Variants in SYCP1 observed in about 807,000 individuals in gnomAD.
SYCP1 encodes synaptonemal complex protein 1.
Under a neutral mutation model 153.1 loss-of-function variants are expected in SYCP1, and 64 were observed. The ratio of observed to expected loss-of-function variants is 0.42; its 90% CI spans 0.34 to 0.51. The LOEUF (loss-of-function observed/expected upper bound fraction) is 0.51, where lower values mean the gene tolerates loss of function less well. SYCP1 is among the 20% of genes least tolerant of loss of function. The pLI is 0.06. For synonymous variants in SYCP1, 384 were observed against 341.8 expected (o/e 1.12, Z -1.36); for missense variants, 997 against 1,049.0 (o/e 0.95, Z 0.68).
intron 8 of SYCP1, chr1:114,862,840 T>A (rs567586290): frequency 1.3e-5 from 2 of 152,218 alleles, no homozygotes; most frequent in African/African-American, 2.4e-5. Flanking sequence ...ATTCTTGCCT[T>A]AAGTTGTTGA....
intron 30 of SYCP1, among the ~76,000 whole-genome samples, chr1:114,992,065 G>T (rs907611202): frequency 1.1e-4 from 16 of 151,776 alleles, no homozygotes; most frequent in Non-Finnish European, 2.1e-4. Context: ...GCATCTAAAA[G>T]AATTTAAATA....
At chr1:114,882,577 T>A (rs1666028029) in intron 12 of SYCP1, among the ~76,000 whole-genome samples, 1 of 152,162 alleles carries the variant, frequency 6.6e-6, no homozygotes, top group South Asian at 2.1e-4. Context: ...TTATTTTAAA[T>A]GTTTGTGATT....
chr1:114,885,070 C>T (rs986813109), intron 12 of SYCP1, among the ~76,000 whole-genome samples: 3 of 151,840 alleles, frequency 2.0e-5, no homozygotes, highest in Admixed American at 6.6e-5. Context: ...ATTTTACCAT[C>T]GGGAGATAAA....
intron 20 of SYCP1, 115 bp from the exon 21 acceptor site, chr1:114,923,334 T>G: frequency 8.1e-7 from 1 of 1,231,698 alleles, no homozygotes. Context: ...CAGTTTTGGT[T>G]TTTTACATTT....
chr1:114,939,836 GT>G (rs1670272432), intron 23 of SYCP1, among the ~76,000 whole-genome samples: 2 of 152,178 alleles, frequency 1.3e-5, no homozygotes, highest in Admixed American at 1.3e-4. Context: ...CTAGAGTTCT[GT>G]TTATGCAAAG....
rs574228935 is a variant in SYCP1 at position 114,929,995 on chromosome 1, C to A, written c.1926+3432C>A. On this transcript the variant is annotated intron_variant, in intron 23 of 31. Coordinates refer to ENST00000369522, the MANE Select transcript of SYCP1 (RefSeq NM_003176.4). ...AGACTGAAGTCTTACAGAATATGTT[C>A]TCTCACTCCAGTAGAATTGAATCAG... 2.2e-4 allele frequency among the ~76,000 whole-genome samples: 33 copies of A among 152,124 alleles called. No individual in the cohort carries two copies. In the East Asian group the frequency reaches 6.2e-3, roughly 28 times the overall value.
chr1:114,914,051 A>T lies in SYCP1; in HGVS notation c.1718+6A>T, dbSNP rs200634567. ...GAAACAGAAACCCAATTAAGGCAAGACTAACAAATTGGCCTTTTTTTGTCT... is the reference window on the plus strand; with the variant it reads ...GAAACAGAAACCCAATTAAGGCAAGTCTAACAAATTGGCCTTTTTTTGTCT... On this transcript the variant is annotated splice_donor_region_variant and intron_variant, in intron 20 of 31. Coordinates refer to ENST00000369522, the MANE Select transcript of SYCP1 (RefSeq NM_003176.4). The T allele has an allele frequency of 2.6e-6, 4 of 1,542,412 alleles. No homozygotes were observed. Among genetic ancestry groups the T allele is most frequent in the Non-Finnish European group, 3.5e-6 (4 of 1,148,990 alleles).
intron 7 of SYCP1, 48 bp downstream of exon 7, chr1:114,859,858 A>T (rs1664258610): frequency 1.8e-6 from 1 of 550,506 alleles, no homozygotes; most frequent in South Asian, 2.8e-5. Context: ...TTTTATTCCA[A>T]ATTTACTACT....
At chr1:114,914,279 CCTT>C (rs1174145830) in intron 20 of SYCP1, among the ~76,000 whole-genome samples, 1 of 151,696 alleles carries the variant, frequency 6.6e-6, no homozygotes, top group Non-Finnish European at 1.5e-5. Flanking sequence ...GCATCATAAA[CCTT>C]CTAATTCTTT....
intron 12 of SYCP1, among the ~76,000 whole-genome samples, chr1:114,883,076 T>C (rs1284092981): frequency 1.3e-5 from 2 of 152,242 alleles, no homozygotes; most frequent in Admixed American, 6.5e-5. Context: ...GTTACCTTAC[T>C]TCTATAGGTT....
intron 23 of SYCP1, among the ~76,000 whole-genome samples, chr1:114,932,840 A>G (rs914224392): frequency 6.6e-6 from 1 of 152,236 alleles, no homozygotes; most frequent in Admixed American, 6.5e-5. Flanking sequence ...GCAAGGAGGC[A>G]GTGAGACTGG....
intron 12 of SYCP1, among the ~76,000 whole-genome samples, chr1:114,885,206 A>T (rs1372793237): frequency 6.6e-6 from 1 of 152,148 alleles, no homozygotes; most frequent in East Asian, 1.9e-4. Context: ...AATTTGTATT[A>T]CATTTTCAGT....
chr1:114,937,165 CA>C (rs1174032889), intron 23 of SYCP1, among the ~76,000 whole-genome samples: 1 of 152,138 alleles, frequency 6.6e-6, no homozygotes, highest in Non-Finnish European at 1.5e-5. Context: ...CTACAGTAAC[CA>C]AAACAGCATG....
chr1:114,887,381 A>G (rs1246869456), intron 14 of SYCP1, among the ~76,000 whole-genome samples: 1 of 151,954 alleles, frequency 6.6e-6, no homozygotes, highest in Non-Finnish European at 1.5e-5. Context: ...AACTTATACC[A>G]TAAGCTTTAA....
At chr1:114,857,549 AT>A (rs1186070615) in intron 5 of SYCP1, 52 bp downstream of exon 5, 3 of 1,284,154 alleles carry the variant, frequency 2.3e-6, no homozygotes, top group Non-Finnish European at 3.3e-6. Context: ...AATATAACTT[AT>A]TACCTATATG....
At chr1:114,981,208 T>G in intron 28 of SYCP1, 128 bp from the exon 29 acceptor site, 1 of 653,964 alleles carries the variant, frequency 1.5e-6, no homozygotes, top group Non-Finnish European at 2.5e-6. Flanking sequence ...ATCTAGTCAG[T>G]GATAAATTTA....
chr1:114,946,377 C>G lies in SYCP1; in HGVS notation c.2243C>G (p.Ser748Cys), dbSNP rs1291175100. 4 of 1,578,318 alleles carry G rather than the reference C, an allele frequency of 2.5e-6. No individual in the cohort carries two copies. The African/African-American group carries it at 5.5e-5, about 22-fold the overall frequency. The change falls in exon 26 of 32, where the codon TCT (serine) becomes TGT (cysteine). Residue 748 changes from serine (S) to cysteine (C), a missense_variant. Coordinates refer to ENST00000369522, the MANE Select transcript of SYCP1 (RefSeq NM_003176.4). Reference protein sequence around the residue: ...KEQEQSSLRASLEIELSNLKA... With the variant: ...KEQEQSSLRACLEIELSNLKA... Reference sequence around the variant, plus strand: ...CAAGAACAGTCATCACTGAGAGCATCTTTGGTGAGATACAGAAAAAATTGC... The same window carrying G: ...CAAGAACAGTCATCACTGAGAGCATGTTTGGTGAGATACAGAAAAAATTGC...
intron 3 of SYCP1, 75 bp from the exon 4 acceptor site, chr1:114,857,157 A>T: frequency 6.8e-6 from 6 of 880,762 alleles, no homozygotes; most frequent in Non-Finnish European, 9.7e-6. Context: ...AAAAAAAAAA[A>T]GAGAAAAAAG....
rs1204474237 is a variant in SYCP1 at position 114,907,465 on chromosome 1, T to C, written c.1321-2932T>C. Among the ~76,000 whole-genome samples the C allele has an allele frequency of 3.9e-5, 6 of 152,206 alleles. No individual in the cohort carries two copies. In the East Asian group the frequency reaches 1.2e-3, roughly 29 times the overall value. On this transcript the variant is annotated intron_variant, in intron 16 of 31. Coordinates refer to ENST00000369522, the MANE Select transcript of SYCP1 (RefSeq NM_003176.4). ...CATTCCGTTTTAATGTATCTACTGG[T>C]ATTTTATCTATACTTCTCTGCATTT...
Sources: gnomAD v4.1 joint callset for allele counts (sites outside exome capture counted in the v4.1 genomes callset) on GRCh38, gnomAD v4.1.1 for gene constraint, MANE v1.5 for transcripts, NCBI Gene and HGNC (gene_info 2026-07-23, HGNC 2026-07-21) for gene names.